MYOM1: variants seen among roughly 807,000 people sequenced by gnomAD.
The protein encoded by MYOM1 is myomesin 1.
In MYOM1, 164 loss-of-function variants were observed where a neutral mutation model predicts 205.3. The observed-to-expected ratio is 0.80, with a 90% CI of 0.70 to 0.91. The LOEUF (loss-of-function observed/expected upper bound fraction) is 0.91. Among genes scored for constraint, MYOM1 ranks in the 40% least tolerant of loss-of-function variants. The probability of loss-of-function intolerance (pLI) is 0.00; values close to 1 mark genes in which losing one functional copy is unlikely to be tolerated. For synonymous variants in MYOM1, 772 were observed against 789.4 expected, an observed-to-expected ratio of 0.98 and a Z score of 0.37; for missense variants, 2,011 against 2,127.3, an observed-to-expected ratio of 0.95 and a Z score of 1.08.
intron 3 of MYOM1, chr18:3,190,548 G>A (rs529433366): frequency 5.3e-5 from 8 of 152,138 alleles, no homozygotes; most frequent in East Asian, 1.9e-4. Context: ...TTCTCTCTCC[G>A]TAAATATTAA....
intron 2 of MYOM1, among the ~76,000 whole-genome samples, chr18:3,197,859 C>T (rs1372461814): frequency 2.0e-5 from 3 of 151,686 alleles, no homozygotes; most frequent in Non-Finnish European, 2.9e-5. Flanking sequence ...GGTGACAGAG[C>T]GAGACTCCAT....
At chr18:3,214,693 C>G (rs1373403156) in intron 2 of MYOM1, among the ~76,000 whole-genome samples, 1 of 152,136 alleles carries the variant, frequency 6.6e-6, no homozygotes, top group Non-Finnish European at 1.5e-5. Flanking sequence ...CGTGGTGGTG[C>G]ACGCCTGTAA....
intron 22 of MYOM1, among the ~76,000 whole-genome samples, chr18:3,110,378 C>A (rs891554367): frequency 5.3e-5 from 8 of 152,156 alleles, no homozygotes; most frequent in Non-Finnish European, 1.5e-5. Context: ...CAGCCTCATG[C>A]CCACCTTGGA....
Position 3,100,169 on chromosome 18 carries a change from G to T in MYOM1, c.3717C>A (p.His1239Gln), listed in dbSNP as rs750420769. The change falls in exon 25 of 38, where the codon CAC becomes CAA. Residue 1239 changes from histidine to glutamine, a missense_variant. Physicochemically the swap from His to Gln is conservative, Grantham distance 24. Transcript: ENST00000356443. ...LKRLLALSHE[H>Q]KFPTVPVKSE... is the part of the protein sequence containing the mutation. ...ATTGTGGATACTTACTTGGGAACTT[G>T]TGTTCATGGCTGAGAGCAAGTAAAC... The T allele has an allele frequency of 6.2e-7, 1 of 1,613,892 alleles. No homozygotes were observed. Among genetic ancestry groups the T allele is most frequent in the South Asian group, 1.1e-5 (1 of 91,084 alleles).
chr18:3,193,355 T>TAGAC (rs568716182), intron 3 of MYOM1, among the ~76,000 whole-genome samples: 1 of 99,782 alleles, frequency 1.0e-5, no homozygotes, highest in African/African-American at 3.5e-5. Context: ...TACATATATA[T>TAGAC]ATATATACAC....
chr18:3,097,062 A>G (rs907527989), intron 25 of MYOM1, among the ~76,000 whole-genome samples: 19 of 152,226 alleles, frequency 1.2e-4, no homozygotes, highest in Admixed American at 1.0e-3. Context: ...ATAATTTTGA[A>G]AACAGCTTAA....
chr18:3,085,247 T>TGC lies in MYOM1; in HGVS notation c.4252-116_4252-115insGC. 29 of 128,554 alleles carry TGC rather than the reference T, an allele frequency of 2.3e-4. No homozygotes were observed. The South Asian group carries it at 5.9e-3, about 26-fold the overall frequency. 8.0% of individuals were successfully genotyped at this position (128,554 alleles called of 1,614,324 possible). ...GCTGCTGCTTTTTTTTTTTTTTTTTTTTTTTTTTTTTTTTTTTTTTTTTTT... is the reference window on the plus strand; with the variant it reads ...GCTGCTGCTTTTTTTTTTTTTTTTTTGCTTTTTTTTTTTTTTTTTTTTTTTTT... On this transcript the variant is annotated intron_variant, in intron 30 of 37. Transcript: ENST00000356443.
intron 34 of MYOM1, among the ~76,000 whole-genome samples, chr18:3,076,966 C>A (rs1304728772): frequency 6.6e-6 from 1 of 151,652 alleles, no homozygotes; most frequent in Non-Finnish European, 1.5e-5. Flanking sequence ...CCCGCTTTGG[C>A]CTCCCAAACT....
chr18:3,158,770 T>A (rs1235601781), intron 10 of MYOM1, among the ~76,000 whole-genome samples: 1 of 152,114 alleles, frequency 6.6e-6, no homozygotes, highest in Non-Finnish European at 1.5e-5. Context: ...TACTCCACTA[T>A]GCCCAGCTAA....
intron 2 of MYOM1, among the ~76,000 whole-genome samples, chr18:3,210,575 T>C (rs1181156722): frequency 2.0e-5 from 3 of 152,222 alleles, no homozygotes; most frequent in Non-Finnish European, 4.4e-5. Context: ...TCATGGACAC[T>C]CCTTGGGTTT....
the MYOM1 span, among the ~76,000 whole-genome samples, chr18:3,230,421 C>T: frequency 3.5e-3 from 526 of 152,350 alleles, 4 homozygotes; most frequent in Non-Finnish European, 6.2e-3. Flanking sequence ...TGCAACCTCC[C>T]GTTTTCTGAG....
intron 8 of MYOM1, 72 bp from the exon 9 acceptor site, chr18:3,169,053 A>G: frequency 7.2e-7 from 1 of 1,396,086 alleles, no homozygotes; most frequent in African/African-American, 1.5e-5. Flanking sequence ...TAATAAGCAC[A>G]GGCAGAAAGC....
chr18:3,131,412 G>C lies in MYOM1; in HGVS notation c.2469C>G (p.Ser823=), dbSNP rs370860519. 1.2e-4 allele frequency: 199 copies of C among 1,613,796 alleles called. 1 individual carries two copies. In the African/African-American group the frequency reaches 2.5e-3, roughly 20 times the overall value. Residue 823 remains serine, a synonymous_variant, in exon 17 of 38, where the codon TCC becomes TCG. Coordinates refer to ENST00000356443, the MANE Select transcript of MYOM1 (RefSeq NM_003803.4). ...AVNAAGLSEY[S]QDSEAIEVKA... The stretch of plus-strand genomic sequence containing the variant: ...TGACTTCAATAGCTTCTGAATCCTG[G>C]GAATATTCACTAAGTCCAGCTGCAT...
rs1238333854 is a variant in MYOM1 at position 3,135,493 on chromosome 18, A to T, written c.2209+54T>A. 2.6e-6 allele frequency: 4 copies of T among 1,534,210 alleles called. No individual in the cohort carries two copies. The highest frequency in any genetic ancestry group is 3.5e-6 in the Non-Finnish European group (4 of 1,127,170). ...ACTCCTGGCCAAATATACATATACT[A>T]GATCCTTGCTTTGAAATTTTCTCTT... is the stretch of plus-strand genomic sequence containing the variant. On this transcript the variant is annotated intron_variant, in intron 15 of 37. Transcript: ENST00000356443. This position sits in a 1 kb window ranked among gnomAD's most constrained non-coding sequence, Gnocchi z 4.1.
intron 29 of MYOM1, 41 bp from the exon 30 acceptor site, chr18:3,086,192 G>A (rs1340067869): frequency 7.8e-7 from 1 of 1,282,904 alleles, no homozygotes; most frequent in Non-Finnish European, 1.1e-6. Context: ...AAATAAGAAA[G>A]TGTACTCTTG....
intron 4 of MYOM1, among the ~76,000 whole-genome samples, chr18:3,187,932 A>G (rs1172933175): frequency 7.3e-6 from 1 of 136,138 alleles, no homozygotes; most frequent in East Asian, 2.0e-4. Flanking sequence ...TCTGCCTCCC[A>G]GGTTCATGCG....
chr18:3,084,125 G>A, intron 31 of MYOM1, 98 bp from the exon 32 acceptor site: 1 of 1,282,350 alleles, frequency 7.8e-7, no homozygotes, highest in Non-Finnish European at 1.1e-6. Flanking sequence ...CTTTCTGGTT[G>A]AAAGGAAATG....
chr18:3,114,482 A>G (rs1355033017), intron 21 of MYOM1, among the ~76,000 whole-genome samples: 2 of 150,516 alleles, frequency 1.3e-5, no homozygotes, highest in African/African-American at 2.5e-5. Context: ...GGTTCAAGCA[A>G]TCCTCCCATC....
At chr18:3,170,654 A>G (rs77777654) in intron 8 of MYOM1, among the ~76,000 whole-genome samples, 6,206 of 152,228 alleles carry the variant, frequency 0.041, 423 homozygotes, top group African/African-American at 0.14. Context: ...TTCACCAAAG[A>G]AAGGACTTGG....
Sources: allele counts gnomAD v4.1 joint callset (sites outside exome capture counted in the v4.1 genomes callset), GRCh38; gene constraint gnomAD v4.1.1; non-coding constraint Gnocchi (gnomAD v3.1); transcripts MANE v1.5; gene names NCBI Gene and HGNC (gene_info 2026-07-23, HGNC 2026-07-21).